Variants in PPIG observed in about 807,000 individuals in gnomAD.
The protein encoded by PPIG is peptidylprolyl isomerase G.
Under a neutral mutation model 87.9 loss-of-function variants are expected in PPIG, and 26 were observed. The ratio of observed to expected loss-of-function variants is 0.30; its 90% CI spans 0.22 to 0.41. PPIG has a LOEUF of 0.41. Ranked by LOEUF, PPIG falls within the 10% of genes least tolerant of loss-of-function variation. The pLI, the probability that PPIG is intolerant of heterozygous loss-of-function variation, is 1.00. For synonymous variants in PPIG, 308 were observed against 276.5 expected (o/e 1.11, Z -1.13); for missense variants, 722 against 879.4 (o/e 0.82, Z 2.26).
intron 9 of PPIG, among the ~76,000 whole-genome samples, chr2:169,630,348 C>T (rs565463577): frequency 1.8e-4 from 27 of 152,074 alleles, no homozygotes; most frequent in Non-Finnish European, 3.5e-4. Context: ...CCAGTGAAAT[C>T]CATTTCTTAT....
chr2:169,601,159 C>T (rs916279950), intron 1 of PPIG, among the ~76,000 whole-genome samples: 2 of 152,146 alleles, frequency 1.3e-5, no homozygotes, highest in African/African-American at 2.4e-5. Flanking sequence ...ATGAAACTGC[C>T]ATATAGTATT....
rs774813145 is a variant in PPIG at position 169,606,052 on chromosome 2, C to T, written c.150C>T (p.Thr50=). 24 of 1,610,050 alleles carry T rather than the reference C, an allele frequency of 1.5e-5. No homozygotes were observed. The highest frequency in any genetic ancestry group is 6.7e-5 in the East Asian group (3 of 44,836). ...TTATCTCTATAGGTGAAAAGGGGAC[C>T]GGGAAATCAACTCAGAAACCATTAC... The part of the protein sequence containing the change: ...FRCLCTGEKG[T]GKSTQKPLHY... Residue 50 remains threonine (T), a synonymous_variant, in exon 5 of 14, where the codon ACC becomes ACT. Transcript: ENST00000260970.
intron 1 of PPIG, among the ~76,000 whole-genome samples, chr2:169,596,872 T>C (rs1010715530): frequency 7.2e-5 from 11 of 152,160 alleles, no homozygotes; most frequent in African/African-American, 2.7e-4. Context: ...CAGCTCACTT[T>C]TGTGTTTTTA....
intron 9 of PPIG, among the ~76,000 whole-genome samples, chr2:169,622,392 G>C (rs1685780806): frequency 1.3e-5 from 2 of 152,334 alleles, no homozygotes; most frequent in Non-Finnish European, 2.9e-5. Flanking sequence ...GGAAGTAAAT[G>C]AATGTAGCTC....
At position 169,628,939 on chromosome 2, in the gene PPIG, C is replaced by CAAAAAAAAAAAAAAAAAAAA. The variant is rs71006010; in HGVS notation, c.548-1825_548-1806dup. On this transcript the variant is annotated intron_variant, in intron 9 of 13. Coordinates refer to ENST00000260970, the MANE Select transcript of PPIG (RefSeq NM_004792.3). ...GGGCAACAGAGCAAGACCCTGTCTCCAAAAAAAAAAAAAAAAAAAAAAAAA... is the reference window on the plus strand; with the variant it reads ...GGGCAACAGAGCAAGACCCTGTCTCCAAAAAAAAAAAAAAAAAAAAAAAAAAAAAAAAAAAAAAAAAAAAA... Among the ~76,000 whole-genome samples, 4 of 92,350 alleles carry CAAAAAAAAAAAAAAAAAAAA rather than the reference C, an allele frequency of 4.3e-5. 1 individual carries two copies. Among genetic ancestry groups the CAAAAAAAAAAAAAAAAAAAA allele is most frequent in the African/African-American group, 1.6e-4 (4 of 24,528 alleles). The allele number at this position is 92,350 out of a possible 152,430, so 60.6% of individuals were successfully genotyped here. A position where few individuals can be genotyped will look rare whatever the true frequency, so the allele number is the denominator to read the frequency against.
chr2:169,601,487 G>A (rs1685182398), intron 1 of PPIG, among the ~76,000 whole-genome samples: 1 of 152,212 alleles, frequency 6.6e-6, no homozygotes, highest in Non-Finnish European at 1.5e-5. Context: ...AGGATGTAAA[G>A]TGTTAGGAGG....
At chr2:169,588,653 AATTT>A (rs1684771552) in intron 1 of PPIG, among the ~76,000 whole-genome samples, 1 of 151,912 alleles carries the variant, frequency 6.6e-6, no homozygotes, top group South Asian at 2.1e-4. Flanking sequence ...GGTTTTGGTA[AATTT>A]ATTATTATAA....
chr2:169,625,525 T>G (rs919607339), intron 9 of PPIG, among the ~76,000 whole-genome samples: 6 of 152,226 alleles, frequency 3.9e-5, no homozygotes, highest in Non-Finnish European at 7.3e-5. Flanking sequence ...TGGATTTTTT[T>G]TTTAACAAAT....
In PPIG at chr2:169,636,967, A is replaced by T; in HGVS notation, c.1709A>T (p.Asp570Val). Residue 570 changes from aspartate to valine, a missense_variant, in exon 14 of 14, where the codon GAC becomes GTC. Around this residue, in one of 4 missense-constraint regions of PPIG, gnomAD observed 476 missense variants for 483.1 expected, o/e 0.99. Transcript: ENST00000260970. ...ACAAGAGAACGAAGCAGAAGTAGGG[A>T]CAGAAGCAGAAGAGTGCGATCAAGA... ...SRTRERSRSR[D>V]RSRRVRSRTH... 1 of 1,613,998 alleles carries T rather than the reference A, an allele frequency of 6.2e-7. No homozygotes were observed. The highest frequency in any genetic ancestry group is 8.5e-7 in the Non-Finnish European group (1 of 1,179,956).
At chr2:169,591,776 T>C (rs1182564894) in intron 1 of PPIG, among the ~76,000 whole-genome samples, 2 of 54,492 alleles carry the variant, frequency 3.7e-5, no homozygotes, top group South Asian at 6.2e-4. Flanking sequence ...GTGCCACATA[T>C]TGTGATTTTT....
chr2:169,593,626 T>C lies in PPIG; in HGVS notation c.-70+9136T>C, dbSNP rs192838511. Among the ~76,000 whole-genome samples, 182 of 151,826 alleles carry C rather than the reference T, an allele frequency of 1.2e-3. 1 individual carries two copies. Among genetic ancestry groups the C allele is most frequent in the African/African-American group, 4.2e-3 (176 of 41,446 alleles). On this transcript the variant is annotated intron_variant, in intron 1 of 13. Coordinates refer to ENST00000260970, the MANE Select transcript of PPIG (RefSeq NM_004792.3). ...CGGGAGTAGTTTACACAATCATCAT[T>C]ATGTTGCATATGCTGCTTTATATCT... is the stretch of plus-strand genomic sequence containing the variant.
chr2:169,625,363 A>T (rs1685856941), intron 9 of PPIG, among the ~76,000 whole-genome samples: 1 of 152,186 alleles, frequency 6.6e-6, no homozygotes, highest in Non-Finnish European at 1.5e-5. Context: ...GATCTTGTAG[A>T]ATGAATTTCC....
chr2:169,601,504 G>T (rs542789137), intron 1 of PPIG, among the ~76,000 whole-genome samples: 1 of 152,192 alleles, frequency 6.6e-6, no homozygotes, highest in Non-Finnish European at 1.5e-5. Context: ...GAGGATGAGA[G>T]CTCCTTTCTT....
intron 4 of PPIG, 46 bp downstream of exon 4, chr2:169,604,307 A>C (rs764906036): frequency 3.7e-5 from 29 of 789,866 alleles, no homozygotes; most frequent in South Asian, 7.3e-5. Flanking sequence ...TCAGTTGACT[A>C]TGGCTTGCTT....
At chr2:169,623,857 C>T (rs1180011585) in intron 9 of PPIG, among the ~76,000 whole-genome samples, 3 of 152,102 alleles carry the variant, frequency 2.0e-5, no homozygotes, top group Non-Finnish European at 4.4e-5. Flanking sequence ...CCTTCATTTT[C>T]AAGATTTCAA....
chr2:169,622,962 A>G (rs1685796830), intron 9 of PPIG, among the ~76,000 whole-genome samples: 2 of 152,222 alleles, frequency 1.3e-5, no homozygotes. Flanking sequence ...AAAGAAAACA[A>G]AAAGACTTCT....
chr2:169,624,464 C>T (rs3943571), intron 9 of PPIG, among the ~76,000 whole-genome samples: 150,929 of 152,350 alleles, frequency 0.99, 74,781 homozygotes, highest in East Asian at 1. Flanking sequence ...TTTTCATCCA[C>T]TATGATTCTT....
chr2:169,613,856 G>T (rs1378237153), intron 7 of PPIG, among the ~76,000 whole-genome samples: 3 of 152,202 alleles, frequency 2.0e-5, no homozygotes, highest in Non-Finnish European at 4.4e-5. Context: ...AGCCCAGAAT[G>T]TTCAGGATGC....
At chr2:169,599,612 G>T (rs1344035115) in intron 1 of PPIG, among the ~76,000 whole-genome samples, 2 of 152,144 alleles carry the variant, frequency 1.3e-5, no homozygotes, top group Admixed American at 1.3e-4. Context: ...TATCAAAACT[G>T]CTGGTGCCTT....
Sources: gnomAD v4.1 joint callset for allele counts (sites outside exome capture counted in the v4.1 genomes callset) on GRCh38, gnomAD v4.1.1 for gene constraint, gnomAD v4.1.1 regional missense constraint, MANE v1.5 for transcripts, NCBI Gene and HGNC (gene_info 2026-07-23, HGNC 2026-07-21) for gene names.